Variants in MARCHF1 observed in about 807,000 individuals in gnomAD.
MARCHF1 encodes E3 ubiquitin-protein ligase MARCHF1.
A neutral mutation model predicts 54.2 loss-of-function variants in MARCHF1; 40 were observed. The observed-to-expected ratio is 0.74, with a 90% CI of 0.57 to 0.96. The LOEUF (loss-of-function observed/expected upper bound fraction) is 0.96. Ranked by LOEUF, MARCHF1 falls within the 40% of genes least tolerant of loss-of-function variation. The pLI is 0.00. For synonymous variants in MARCHF1, 236 were observed against 236.3 expected, an observed-to-expected ratio of 1.00 and a Z score of 0.01; for missense variants, 586 against 656.5, an observed-to-expected ratio of 0.89 and a Z score of 1.17.
At chr4:164,110,908 T>C (rs1332382176) in intron 2 of MARCHF1, among the ~76,000 whole-genome samples, 2 of 151,674 alleles carry the variant, frequency 1.3e-5, no homozygotes, top group African/African-American at 4.8e-5. Context: ...AAATTTCAAC[T>C]TTGAGATACT....
intron 3 of MARCHF1, among the ~76,000 whole-genome samples, chr4:163,931,297 A>G (rs950094486): frequency 2.0e-5 from 3 of 152,156 alleles, no homozygotes; most frequent in Non-Finnish European, 4.4e-5. Context: ...TTTGGGTAAT[A>G]TTAACATTTA....
chr4:163,814,831 A>G (rs932306226), intron 4 of MARCHF1, among the ~76,000 whole-genome samples: 2 of 152,224 alleles, frequency 1.3e-5, no homozygotes, highest in African/African-American at 4.8e-5. Context: ...GGATTCTGAG[A>G]TGTTGAAATT....
intron 1 of MARCHF1, among the ~76,000 whole-genome samples, chr4:164,201,679 T>C (rs1731458300): frequency 6.6e-6 from 1 of 152,138 alleles, no homozygotes; most frequent in Non-Finnish European, 1.5e-5. Flanking sequence ...GGTAAAGAGA[T>C]AATTAAGAAT....
rs1418370031 is a variant in MARCHF1, at chr4:163,525,595, A to C, written c.*3153T>G. 6.6e-6 allele frequency: 1 copy of C among 152,182 alleles called. No individual in the cohort carries two copies. Among genetic ancestry groups the C allele is most frequent in the Non-Finnish European group, 1.5e-5 (1 of 68,020 alleles). The allele number at this position is 152,182 out of a possible 1,614,324, so 9.4% of individuals were successfully genotyped here. A position where few individuals can be genotyped will look rare whatever the true frequency, so the allele number is the denominator to read the frequency against. ...TCTTTACTCCTGTACGATAAGAGTGATAGTTCTTTAAAAAAATTAACAGCA... is the reference window on the plus strand; with the variant it reads ...TCTTTACTCCTGTACGATAAGAGTGCTAGTTCTTTAAAAAAATTAACAGCA... On this transcript the variant is annotated 3_prime_UTR_variant, in exon 10 of 10. Transcript: ENST00000514618.
At chr4:164,371,314 G>C (rs1731032203) in intron 1 of MARCHF1, among the ~76,000 whole-genome samples, 1 of 152,128 alleles carries the variant, frequency 6.6e-6, no homozygotes, top group East Asian at 1.9e-4. Flanking sequence ...GTAGAAAACT[G>C]AGTGAATATT....
chr4:163,786,350 T>C (rs1393483811), intron 4 of MARCHF1, among the ~76,000 whole-genome samples: 3 of 152,034 alleles, frequency 2.0e-5, no homozygotes, highest in African/African-American at 7.2e-5. Flanking sequence ...ATTTGAGGCA[T>C]AGAGGCACTG....
At chr4:164,217,406 TATTC>T (rs571450368) in intron 1 of MARCHF1, among the ~76,000 whole-genome samples, 3 of 152,312 alleles carry the variant, frequency 2.0e-5, no homozygotes, top group South Asian at 2.1e-4. Flanking sequence ...TGATTCTGTG[TATTC>T]ATTCATTCAT....
intron 1 of MARCHF1, among the ~76,000 whole-genome samples, chr4:164,136,655 C>T (rs527696985): frequency 3.3e-5 from 5 of 152,276 alleles, no homozygotes; most frequent in Admixed American, 1.3e-4. Flanking sequence ...GCCTCAACCA[C>T]GGAGCCTTTC....
chr4:163,692,250 T>C lies in MARCHF1; in HGVS notation c.162+8563A>G, dbSNP rs1297064681. On this transcript the variant is annotated intron_variant, in intron 5 of 9. Transcript: ENST00000514618. ...CTGGGGCTGAGGAAGCAGCCTTGAG[T>C]GAAGAAATAGTTATTGCCCTCATAG... 2.6e-5 allele frequency among the ~76,000 whole-genome samples: 4 copies of C among 152,174 alleles called. No homozygotes were observed. In the East Asian group the frequency reaches 7.7e-4, roughly 29 times the overall value.
chr4:164,360,217 C>CA (rs1196760223), intron 1 of MARCHF1, among the ~76,000 whole-genome samples: 3 of 151,008 alleles, frequency 2.0e-5, no homozygotes, highest in Non-Finnish European at 4.4e-5. Context: ...TATCCACTGG[C>CA]AAAAAAGAAA....
At chr4:164,136,148 A>G (rs1458320773) in intron 1 of MARCHF1, among the ~76,000 whole-genome samples, 2 of 151,584 alleles carry the variant, frequency 1.3e-5, no homozygotes, top group Non-Finnish European at 2.9e-5. Flanking sequence ...CGTTGACATG[A>G]TGGCAGAATA....
chr4:164,214,394 AGATTGGTTCT>A (rs1731869930), intron 1 of MARCHF1, among the ~76,000 whole-genome samples: 2 of 152,184 alleles, frequency 1.3e-5, no homozygotes, highest in South Asian at 4.1e-4. Flanking sequence ...CTATAAATGA[AGATTGGTTCT>A]AAAACACATC....
At chr4:163,909,661 T>G (rs1560815300) in intron 3 of MARCHF1, among the ~76,000 whole-genome samples, 1 of 152,182 alleles carries the variant, frequency 6.6e-6, no homozygotes, top group Non-Finnish European at 1.5e-5. Flanking sequence ...TCTTCCATAA[T>G]CTAATACATC....
In MARCHF1 at chr4:163,612,846, A is replaced by G. The variant is rs1252006835; in HGVS notation, c.435T>C (p.Leu145=). 1 of 1,535,226 alleles carries G rather than the reference A, an allele frequency of 6.5e-7. No homozygotes were observed. The highest frequency in any genetic ancestry group is 8.7e-7 in the Non-Finnish European group (1 of 1,146,460). Residue 145 remains leucine, a synonymous_variant, in exon 7 of 10, where the codon CTT becomes CTC. Transcript: ENST00000514618. ...CCCTCCACCTGGGGCTTGAGATTTG[A>G]AGGTGAAAGTCATTTTTTCTCCCTC... ...QIRGRKNDFH[L]QISSPRWREL...
chr4:164,355,515 A>G (rs1479800956), intron 1 of MARCHF1, among the ~76,000 whole-genome samples: 2 of 117,960 alleles, frequency 1.7e-5, no homozygotes, highest in Non-Finnish European at 3.6e-5. Context: ...GCAATGGGGA[A>G]AGGATTCCCT....
At chr4:164,303,608 A>G (rs532419955) in intron 1 of MARCHF1, among the ~76,000 whole-genome samples, 21 of 152,316 alleles carry the variant, frequency 1.4e-4, no homozygotes, top group African/African-American at 5.0e-4. Flanking sequence ...TCATTTCTAT[A>G]TGAAATTATA....
intron 4 of MARCHF1, among the ~76,000 whole-genome samples, chr4:163,733,217 A>G (rs1561047007): frequency 8.0e-5 from 3 of 37,724 alleles, no homozygotes; most frequent in African/African-American, 1.9e-4. Flanking sequence ...ATATATATAT[A>G]TATACACGTG....
At chr4:163,918,923 C>G (rs978435125) in intron 3 of MARCHF1, among the ~76,000 whole-genome samples, 1 of 152,082 alleles carries the variant, frequency 6.6e-6, no homozygotes, top group Admixed American at 6.6e-5. Flanking sequence ...TTCATAGATA[C>G]TCTTTTCCTC....
intron 1 of MARCHF1, among the ~76,000 whole-genome samples, chr4:164,198,108 C>A (rs1231731601): frequency 6.6e-6 from 1 of 152,110 alleles, no homozygotes; most frequent in Non-Finnish European, 1.5e-5. Flanking sequence ...TTTAAAGTAA[C>A]CTGAGAATAT....
Sources: gnomAD v4.1 joint callset for allele counts (sites outside exome capture counted in the v4.1 genomes callset) on GRCh38, gnomAD v4.1.1 for gene constraint, MANE v1.5 for transcripts, NCBI Gene and HGNC (gene_info 2026-07-23, HGNC 2026-07-21) for gene names.